The following KNTC1 variants were observed in gnomAD, a reference collection of about 807,000 sequenced individuals.
KNTC1 encodes the protein kinetochore-associated protein 1.
Under a neutral mutation model 314.4 loss-of-function variants are expected in KNTC1, and 253 were observed. The observed-to-expected ratio is 0.80, with a 90% confidence interval of 0.73 to 0.89. KNTC1 has a LOEUF of 0.89. Among genes scored for constraint, KNTC1 ranks in the 40% least tolerant of loss-of-function variants. The pLI, the probability that KNTC1 is intolerant of heterozygous loss-of-function variation, is 0.00. For missense variants in KNTC1, 2,475 were observed against 2,572.9 expected (o/e 0.96, Z 0.82); for synonymous variants, 901 against 901.4 (o/e 1.00, Z 0.01).
rs1414691163 is a variant in KNTC1, at chr12:122,568,310, A to T, written c.1654A>T (p.Ile552Phe). 1 of 1,595,954 alleles carries T rather than the reference A, an allele frequency of 6.3e-7. No individual in the cohort carries two copies. Among genetic ancestry groups the T allele is most frequent in the East Asian group, 2.2e-5 (1 of 44,772 alleles). The change falls in exon 21 of 64, where the codon ATT (isoleucine) becomes TTT (phenylalanine). Residue 552 changes from isoleucine to phenylalanine, a missense_variant. By Grantham distance (21) the Ile-to-Phe change is conservative. Transcript: ENST00000333479. The part of the protein sequence containing the change: ...FLNNEDDLKD[I>F]FLQLKEGNLV... Reference sequence around the variant, plus strand: ...AAATAATGAAGATGATCTTAAAGATATTTTTTTACAGCTAAAAGAAGGAAA... The same window carrying T: ...AAATAATGAAGATGATCTTAAAGATTTTTTTTTACAGCTAAAAGAAGGAAA...
intron 39 of KNTC1, 31 bp downstream of exon 39, chr12:122,587,905 G>T: frequency 6.3e-7 from 1 of 1,591,642 alleles, no homozygotes. Flanking sequence ...ACTTTGACTT[G>T]GGGTGAATAT....
intron 51 of KNTC1, among the ~76,000 whole-genome samples, chr12:122,607,784 A>C (rs1200302200): frequency 1.3e-5 from 2 of 152,162 alleles, no homozygotes; most frequent in Non-Finnish European, 2.9e-5. Flanking sequence ...AGCACAGGCC[A>C]GTTGGTTTAT....
chr12:122,534,773 A>G lies in KNTC1; in HGVS notation c.239A>G (p.His80Arg). The G allele has an allele frequency of 6.2e-7, 1 of 1,612,972 alleles. No homozygotes were observed. The highest frequency in any genetic ancestry group is 8.5e-7 in the Non-Finnish European group (1 of 1,179,260). ...AGTATTTGTAGATCACTTCAATTGC[A>G]TCTTGTCTTTGGTAAGTATAATGTA... ...LDSICRSLQL[H>R]LVFDTEVDVV... Residue 80 changes from histidine to arginine, a missense_variant, in exon 3 of 64, where the codon CAT becomes CGT. Physicochemically the swap from His to Arg is conservative, Grantham distance 29. Transcript: ENST00000333479.
intron 33 of KNTC1, among the ~76,000 whole-genome samples, chr12:122,582,142 T>A (rs997571564): frequency 6.6e-6 from 1 of 152,072 alleles, no homozygotes; most frequent in Non-Finnish European, 1.5e-5. Flanking sequence ...GGAGGCCGGG[T>A]ACAGTGGTTC....
chr12:122,562,984 G>C (rs1964080300), intron 20 of KNTC1, among the ~76,000 whole-genome samples: 1 of 151,760 alleles, frequency 6.6e-6, no homozygotes, highest in South Asian at 2.1e-4. Flanking sequence ...ACCCCAGCCT[G>C]GGCGACAGAG....
rs1164921172 is a variant in KNTC1 at position 122,601,711 on chromosome 12, A to C, written c.4653+86A>C. On this transcript the variant is annotated intron_variant, in intron 45 of 63. Transcript: ENST00000333479. ...CATATCATTATCCAGGGCCTTTCCA[A>C]ATTATCCATTGAATTCCCTTTAAAC... The C allele has an allele frequency of 3.3e-6, 4 of 1,219,192 alleles. No individual in the cohort carries two copies. In the African/African-American group the frequency reaches 4.8e-5, roughly 15 times the overall value. 75.5% of individuals were successfully genotyped at this position (1,219,192 alleles called of 1,614,324 possible).
At position 122,585,665 on chromosome 12, in the gene KNTC1, T is replaced by C; in HGVS notation, c.3564T>C (p.Tyr1188=). 1 of 1,613,980 alleles carries C rather than the reference T, an allele frequency of 6.2e-7. No individual in the cohort carries two copies. Among genetic ancestry groups the C allele is most frequent in the Non-Finnish European group, 8.5e-7 (1 of 1,179,844 alleles). ...CTTTTGGGACACATAAAGATCCATA[T>C]GAAGAGTGGTCTTACAGTGACTTCT... is the stretch of plus-strand genomic sequence containing the variant. ...KASFGTHKDP[Y]EEWSYSDFFS... The change falls in exon 37 of 64, where the codon TAT becomes TAC. Residue 1188 remains tyrosine, a synonymous_variant. Coordinates refer to ENST00000333479, the MANE Select transcript of KNTC1 (RefSeq NM_014708.6).
intron 51 of KNTC1, among the ~76,000 whole-genome samples, chr12:122,607,017 A>T (rs558897304): frequency 7.6e-4 from 115 of 152,302 alleles, no homozygotes; most frequent in Middle Eastern, 3.4e-3. Context: ...CCCCAGGTCC[A>T]GGATCTTGTC....
At chr12:122,552,280 G>A (rs891544648) in intron 16 of KNTC1, among the ~76,000 whole-genome samples, 5 of 152,136 alleles carry the variant, frequency 3.3e-5, no homozygotes, top group Non-Finnish European at 5.9e-5. Flanking sequence ...GGTCAGCATG[G>A]ATAGAATGAG....
rs773139521 is a variant in KNTC1 at position 122,574,263 on chromosome 12, CAT to C, written c.2284-18_2284-17del. On this transcript the variant is annotated splice_polypyrimidine_tract_variant and intron_variant, in intron 26 of 63. Transcript: ENST00000333479. ...GAATTTTTAATTTTTAAAAAACATA[CAT>C]GTTTATCCCTTTTTAGGATTTACTG... 7 of 1,436,246 alleles carry C rather than the reference CAT, an allele frequency of 4.9e-6. No homozygotes were observed. In the African/African-American group the frequency reaches 9.9e-5, roughly 20 times the overall value. 89.0% of individuals were successfully genotyped at this position (1,436,246 alleles called of 1,614,324 possible).
chr12:122,563,042 G>T (rs1331770795), intron 20 of KNTC1, among the ~76,000 whole-genome samples: 2 of 151,654 alleles, frequency 1.3e-5, no homozygotes, highest in African/African-American at 4.8e-5. Flanking sequence ...TAGATTATAA[G>T]TTACATAGAA....
chr12:122,568,128 GT>G, intron 20 of KNTC1, 132 bp from the exon 21 acceptor site: 6 of 591,100 alleles, frequency 1.0e-5, no homozygotes, highest in East Asian at 2.9e-5. Flanking sequence ...TTGGAACTGG[GT>G]TTTTTTTAGT....
chr12:122,558,314 A>G (rs1364977215), intron 18 of KNTC1, among the ~76,000 whole-genome samples: 1 of 152,064 alleles, frequency 6.6e-6, no homozygotes, highest in Admixed American at 6.6e-5. Flanking sequence ...TGGGAGGCCA[A>G]GGTGGGTGGA....
At chr12:122,591,240 A>C in intron 41 of KNTC1, 97 bp from the exon 42 acceptor site, 1 of 759,452 alleles carries the variant, frequency 1.3e-6, no homozygotes, top group South Asian at 1.4e-5. Context: ...ACGGTTGATC[A>C]CAAAGTTATG....
chr12:122,575,903 A>C lies in KNTC1; in HGVS notation c.2586+4A>C. 1 of 1,600,222 alleles carries C rather than the reference A, an allele frequency of 6.2e-7. No individual in the cohort carries two copies. Among genetic ancestry groups the C allele is most frequent in the South Asian group, 1.1e-5 (1 of 87,712 alleles). ...TCTCTTAAACAAGGAAATAATGGTA[A>C]GTACACTCTTCGAAGAGTCTTTTTT... On this transcript the variant is annotated splice_donor_region_variant and intron_variant, in intron 29 of 63. Coordinates refer to ENST00000333479, the MANE Select transcript of KNTC1 (RefSeq NM_014708.6).
In KNTC1 at chr12:122,588,799, A is replaced by G. The variant is rs148599474; in HGVS notation, c.3982A>G (p.Thr1328Ala). 2.6e-6 allele frequency: 4 copies of G among 1,552,196 alleles called. No individual in the cohort carries two copies. Among genetic ancestry groups the G allele is most frequent in the Admixed American group, 4.1e-5 (2 of 49,306 alleles). ...TGTTATATTTATCAGGGAAAATGCT[A>G]CAACACTACTGCACAAAGTAAGTAT... ...KAVIFIRENA[T>A]TLLHKVFNCR... The change falls in exon 40 of 64, where the codon ACA becomes GCA. Residue 1328 changes from threonine to alanine, a missense_variant. By Grantham distance (58) the Thr-to-Ala change is moderately conservative. Coordinates refer to ENST00000333479, the MANE Select transcript of KNTC1 (RefSeq NM_014708.6).
chr12:122,620,495 G>A lies in KNTC1; in HGVS notation c.6166G>A (p.Asp2056Asn), dbSNP rs1326427816. Residue 2056 changes from aspartate (D) to asparagine (N), a missense_variant, in exon 60 of 64, where the codon GAT becomes AAT. By Grantham distance (23) the Asp-to-Asn change is conservative (BLOSUM62 1). Transcript: ENST00000333479. ...CTCTCGAAGATGTCCAGTCTCAGGT[G>A]ATCTTGACCTGATCGGAGTCGCCAG... is the stretch of plus-strand genomic sequence containing the variant. ...IAVLECPVSG[D>N]LDLIGVARQY... The A allele has an allele frequency of 6.2e-7, 1 of 1,613,004 alleles. No individual in the cohort carries two copies. The highest frequency in any genetic ancestry group is 8.5e-7 in the Non-Finnish European group (1 of 1,179,280).
Position 122,615,452 on chromosome 12 carries a change from AT to A in KNTC1, c.5974-13del, listed in dbSNP as rs750140011. ...TTTTGGTGGTCTTTAGAACTTTTTT[AT>A]TTTTAATTTTTTACAGATTCCTTAT... On this transcript the variant is annotated splice_polypyrimidine_tract_variant and intron_variant, in intron 56 of 63. Coordinates refer to ENST00000333479, the MANE Select transcript of KNTC1 (RefSeq NM_014708.6). The A allele has an allele frequency of 2.7e-5, 41 of 1,497,630 alleles. No individual in the cohort carries two copies. Among genetic ancestry groups the A allele is most frequent in the Admixed American group, 4.7e-5 (2 of 42,290 alleles). The allele number at this position is 1,497,630 out of a possible 1,614,324, so 92.8% of individuals were successfully genotyped here.
At position 122,603,216 on chromosome 12, in the gene KNTC1, A is replaced by G. The variant is rs373590239; in HGVS notation, c.5074A>G (p.Ile1692Val). Residue 1692 changes from isoleucine to valine, a missense_variant, in exon 48 of 64, where the codon ATC (isoleucine) becomes GTC (valine). Ile to Val is a conservative substitution (Grantham distance 29). Coordinates refer to ENST00000333479, the MANE Select transcript of KNTC1 (RefSeq NM_014708.6). Reference sequence around the variant, plus strand: ...CCCAGAGTGGGCTGTAGCTATTGCCATCAGCCTTGCCCAGGATATCCCTGA... The same window carrying G: ...CCCAGAGTGGGCTGTAGCTATTGCCGTCAGCCTTGCCCAGGATATCCCTGA... ...VNPEWAVAIA[I>V]SLAQDIPEGS... is the part of the protein sequence containing the mutation. 28 of 1,612,124 alleles carry G rather than the reference A, an allele frequency of 1.7e-5. No homozygotes were observed. Among genetic ancestry groups the G allele is most frequent in the Non-Finnish European group, 2.0e-5 (24 of 1,179,084 alleles).
Sources: gnomAD v4.1 joint callset for allele counts (sites outside exome capture counted in the v4.1 genomes callset) on GRCh38, gnomAD v4.1.1 for gene constraint, MANE v1.5 for transcripts, NCBI Gene and HGNC (gene_info 2026-07-23, HGNC 2026-07-21) for gene names.